Variants in KIZ observed in about 807,000 individuals in gnomAD.
KIZ encodes the protein centrosomal protein kizuna.
In KIZ, 68 loss-of-function variants were observed where a neutral mutation model predicts 79.6. The ratio of observed to expected loss-of-function variants is 0.85; its 90% CI spans 0.70 to 1.05. The LOEUF is 1.05. Ranked by LOEUF, KIZ falls within the 50% of genes least tolerant of loss-of-function variation. The pLI is 0.00. For synonymous variants in KIZ, 280 were observed against 281.8 expected (o/e 0.99, Z 0.06); for missense variants, 797 against 800.4 (o/e 1.00, Z 0.05).
chr20:21,140,041 C>G (rs576939511), intron 3 of KIZ, among the ~76,000 whole-genome samples: 12 of 152,136 alleles, frequency 7.9e-5, no homozygotes, highest in Non-Finnish European at 1.3e-4. Context: ...GTCAGCGACC[C>G]CTCCAGTGAT....
chr20:21,230,217 G>A (rs1400913995), intron 10 of KIZ, among the ~76,000 whole-genome samples: 2 of 152,216 alleles, frequency 1.3e-5, no homozygotes. Context: ...GCTCATGCCT[G>A]TAATCCCAGC....
At chr20:21,213,608 G>C (rs1244437064) in intron 7 of KIZ, 1 of 152,188 alleles carries the variant, frequency 6.6e-6, no homozygotes. Flanking sequence ...AATAGGAAAT[G>C]AGAGAAACAT....
At chr20:21,190,532 C>T (rs765585) in intron 6 of KIZ, among the ~76,000 whole-genome samples, 64,961 of 152,096 alleles carry the variant, frequency 0.43, 15,942 homozygotes, top group African/African-American at 0.69. Flanking sequence ...GCTAAATTGC[C>T]TCGGGATAAC....
At chr20:21,225,509 T>TG (rs1180843484) in intron 9 of KIZ, among the ~76,000 whole-genome samples, 2 of 152,242 alleles carry the variant, frequency 1.3e-5, no homozygotes, top group African/African-American at 4.8e-5. Flanking sequence ...ACAGTTTACT[T>TG]GCAGCTGAGA....
intron 6 of KIZ, chr20:21,197,458 C>G (rs974086266): frequency 3.3e-5 from 5 of 152,226 alleles, no homozygotes; most frequent in East Asian, 1.9e-4. Context: ...AAGTAAATTT[C>G]ATACGAGTTG....
chr20:21,130,830 CT>C (rs577601422), intron 1 of KIZ, among the ~76,000 whole-genome samples: 2 of 151,792 alleles, frequency 1.3e-5, no homozygotes, highest in African/African-American at 4.8e-5. Context: ...TTGGGATGAT[CT>C]TTTTTTTAAA....
intron 6 of KIZ, among the ~76,000 whole-genome samples, chr20:21,168,378 A>T (rs2034052272): frequency 6.6e-6 from 1 of 152,144 alleles, no homozygotes; most frequent in East Asian, 1.9e-4. Context: ...CTTACAAGAG[A>T]TGTGAAGGAC....
chr20:21,192,514 T>C (rs1478687786), intron 6 of KIZ, among the ~76,000 whole-genome samples: 2 of 152,176 alleles, frequency 1.3e-5, no homozygotes, highest in Non-Finnish European at 2.9e-5. Flanking sequence ...ACTACAGTGC[T>C]CTGTGACCTT....
chr20:21,177,221 C>G (rs1355635105), intron 6 of KIZ, among the ~76,000 whole-genome samples: 1 of 152,158 alleles, frequency 6.6e-6, no homozygotes, highest in Admixed American at 6.5e-5. Context: ...TACTAGAGTT[C>G]CAGTTTCTCT....
At chr20:21,134,211 C>A (rs1254392042) in intron 2 of KIZ, among the ~76,000 whole-genome samples, 1 of 152,192 alleles carries the variant, frequency 6.6e-6, no homozygotes, top group African/African-American at 2.4e-5. Context: ...TTATCTGCAC[C>A]CTTTTTAATT....
intron 11 of KIZ, among the ~76,000 whole-genome samples, chr20:21,243,460 G>GGT (rs1468836094): frequency 9.2e-5 from 14 of 152,268 alleles, no homozygotes; most frequent in Admixed American, 7.8e-4. Flanking sequence ...TGGTGCGTGG[G>GGT]GTAGGGCAAA....
At chr20:21,212,234 T>C (rs1035520508) in intron 7 of KIZ, among the ~76,000 whole-genome samples, 16 of 152,220 alleles carry the variant, frequency 1.1e-4, no homozygotes, top group South Asian at 4.1e-4. Context: ...TATAAACATT[T>C]CTATCAAAAA....
chr20:21,163,204 T>G, intron 6 of KIZ, 45 bp downstream of exon 6: 1 of 1,277,334 alleles, frequency 7.8e-7, no homozygotes, highest in African/African-American at 1.5e-5. Context: ...TTTTTAATTG[T>G]AGACATTTCT....
At chr20:21,244,161 T>G (rs2037313768) in intron 11 of KIZ, 84 bp from the exon 12 acceptor site, 3 of 944,450 alleles carry the variant, frequency 3.2e-6, no homozygotes, top group Non-Finnish European at 1.7e-6. Context: ...ATCAAAGTGC[T>G]TCTTCTCTAA....
intron 4 of KIZ, among the ~76,000 whole-genome samples, chr20:21,161,552 G>A (rs1054455273): frequency 2.0e-5 from 3 of 151,994 alleles, no homozygotes; most frequent in Non-Finnish European, 2.9e-5. Flanking sequence ...GGCTGGTCTC[G>A]AACTCCTGAC....
At chr20:21,133,715 G>A (rs578219072) in intron 2 of KIZ, among the ~76,000 whole-genome samples, 18 of 152,360 alleles carry the variant, frequency 1.2e-4, no homozygotes, top group African/African-American at 4.3e-4. Context: ...ACGAGGGTCT[G>A]TGTATAAGTG....
Position 21,134,735 on chromosome 20 carries a change from C to A in KIZ, c.153-1655C>A, listed in dbSNP as rs551876363. Among the ~76,000 whole-genome samples, 5 of 146,300 alleles carry A rather than the reference C, an allele frequency of 3.4e-5. No individual in the cohort carries two copies. The East Asian group carries it at 1.0e-3, about 30-fold the overall frequency. On this transcript the variant is annotated intron_variant, in intron 2 of 12. Coordinates refer to ENST00000619189, the MANE Select transcript of KIZ (RefSeq NM_018474.6). ...AGGCTGGAGTGCAGTGGTGTGATCT[C>A]GGCTCACTGCAGCCTCTGCCTCCCG...
At chr20:21,138,793 C>A (rs945837778) in intron 3 of KIZ, among the ~76,000 whole-genome samples, 1 of 152,138 alleles carries the variant, frequency 6.6e-6, no homozygotes, top group Non-Finnish European at 1.5e-5. Context: ...ACCTATAGAT[C>A]TGAGCCTTGC....
chr20:21,149,431 G>A lies in KIZ; in HGVS notation c.405+3777G>A, dbSNP rs138492915. ...TGCCCATGTTTGCAATAAAAGAAGCGTCCGTTTCGGTTGGCTTTGTTGGGC... is the reference window on the plus strand; with the variant it reads ...TGCCCATGTTTGCAATAAAAGAAGCATCCGTTTCGGTTGGCTTTGTTGGGC... On this transcript the variant is annotated intron_variant, in intron 4 of 12. Transcript: ENST00000619189. 1.8e-3 allele frequency among the ~76,000 whole-genome samples: 281 copies of A among 152,334 alleles called. 2 individuals carry two copies. The highest frequency in any genetic ancestry group is 6.4e-3 in the African/African-American group (266 of 41,572).
Sources: gnomAD v4.1 joint callset for allele counts (sites outside exome capture counted in the v4.1 genomes callset) on GRCh38, gnomAD v4.1.1 for gene constraint, MANE v1.5 for transcripts, NCBI Gene and HGNC (gene_info 2026-07-23, HGNC 2026-07-21) for gene names.